VDAC2: variants seen among roughly 807,000 people sequenced by gnomAD.
VDAC2 encodes non-selective voltage-gated ion channel VDAC2.
A neutral mutation model predicts 36.6 loss-of-function variants in VDAC2; 6 were observed. The ratio of observed to expected loss-of-function variants is 0.16; its 90% CI spans 0.09 to 0.32. The LOEUF (loss-of-function observed/expected upper bound fraction) is 0.32, where lower values mean the gene tolerates loss of function less well. VDAC2 is among the 10% of genes least tolerant of loss of function. The pLI, the probability that VDAC2 is intolerant of heterozygous loss-of-function variation, is 1.00. For missense variants in VDAC2, 247 were observed against 346.0 expected (o/e 0.71, Z 2.27); for synonymous variants, 109 against 123.8 (o/e 0.88, Z 0.79).
At chr10:75,218,740 G>A (rs1445513367) in intron 4 of VDAC2, among the ~76,000 whole-genome samples, 4 of 151,432 alleles carry the variant, frequency 2.6e-5, no homozygotes, top group East Asian at 1.9e-4. Context: ...CCAGCCTGGC[G>A]ATAGAGCGGG....
chr10:75,228,543 C>A (rs1214204836), intron 8 of VDAC2, among the ~76,000 whole-genome samples: 1 of 152,238 alleles, frequency 6.6e-6, no homozygotes, highest in Non-Finnish European at 1.5e-5. Flanking sequence ...GTGTCAGCCA[C>A]TGCGCCAGGC....
At chr10:75,211,710 AAC>A in intron 2 of VDAC2, 1 of 1,534,948 alleles carries the variant, frequency 6.5e-7, no homozygotes, top group Non-Finnish European at 8.8e-7. Flanking sequence ...ATTTGAGTGA[AAC>A]ACACATGGCA....
intron 8 of VDAC2, among the ~76,000 whole-genome samples, chr10:75,228,544 T>C (rs1842023304): frequency 6.6e-6 from 1 of 152,240 alleles, no homozygotes; most frequent in South Asian, 2.1e-4. Context: ...TGTCAGCCAC[T>C]GCGCCAGGCC....
chr10:75,229,581 CAT>C (rs987813628), intron 8 of VDAC2, 61 bp from the exon 9 acceptor site: 70 of 1,291,386 alleles, frequency 5.4e-5, no homozygotes, highest in Middle Eastern at 3.8e-4. Flanking sequence ...GATGGGGAAA[CAT>C]GTAGGGGCTT....
Position 75,227,577 on chromosome 10 carries a change from A to ATTTTTTTTTTTTT in VDAC2, c.736-2058_736-2046dup, listed in dbSNP as rs35378957. On this transcript the variant is annotated intron_variant, in intron 8 of 9. Coordinates refer to ENST00000332211, the MANE Select transcript of VDAC2 (RefSeq NM_001391963.1). ...TAACTCTTACTGTTAAATAATAGGA[A>ATTTTTTTTTTTTT]TTTTTTTTTTTTTTTTTTTTTGGAG... Among the ~76,000 whole-genome samples the ATTTTTTTTTTTTT allele has an allele frequency of 3.1e-3, 306 of 99,914 alleles. 34 individuals carry two copies. Among genetic ancestry groups the ATTTTTTTTTTTTT allele is most frequent in the African/African-American group, 0.013 (289 of 22,222 alleles). The allele number at this position is 99,914 out of a possible 152,430, so 65.5% of individuals were successfully genotyped here. A position where few individuals can be genotyped will look rare whatever the true frequency, so the allele number is the denominator to read the frequency against.
intron 3 of VDAC2, among the ~76,000 whole-genome samples, chr10:75,213,708 C>A (rs1356766121): frequency 6.6e-6 from 1 of 152,108 alleles, no homozygotes; most frequent in Non-Finnish European, 1.5e-5. Flanking sequence ...CGTGCCACTG[C>A]ACTCCAGCCT....
intron 8 of VDAC2, among the ~76,000 whole-genome samples, chr10:75,227,034 A>C (rs1841974475): frequency 6.6e-6 from 1 of 152,220 alleles, no homozygotes. Context: ...GGTAAACAAT[A>C]ATACATTCAT....
At chr10:75,218,675 T>C (rs1403831961) in intron 4 of VDAC2, among the ~76,000 whole-genome samples, 2 of 151,480 alleles carry the variant, frequency 1.3e-5, no homozygotes, top group African/African-American at 4.9e-5. Flanking sequence ...GGCAGGAGAA[T>C]CACTTGAACC....
chr10:75,216,617 A>T (rs1398733348), intron 4 of VDAC2, among the ~76,000 whole-genome samples: 1 of 152,150 alleles, frequency 6.6e-6, no homozygotes, highest in Non-Finnish European at 1.5e-5. Context: ...TCTGGTGGTA[A>T]AGGGTATGAG....
intron 4 of VDAC2, among the ~76,000 whole-genome samples, chr10:75,215,324 T>C (rs990267685): frequency 1.3e-5 from 2 of 152,016 alleles, no homozygotes; most frequent in African/African-American, 4.8e-5. Flanking sequence ...TTTTGATATA[T>C]GTATGTATGT....
chr10:75,227,919 G>T (rs1288729194), intron 8 of VDAC2, among the ~76,000 whole-genome samples: 5 of 146,598 alleles, frequency 3.4e-5, no homozygotes, highest in Non-Finnish European at 6.0e-5. Flanking sequence ...TTTTGAGGCG[G>T]AGTCTCGCTC....
intron 8 of VDAC2, 105 bp from the exon 9 acceptor site, chr10:75,229,539 C>A: frequency 2.4e-6 from 2 of 838,318 alleles, no homozygotes; most frequent in Non-Finnish European, 1.9e-6. Flanking sequence ...TATTGTCTCA[C>A]GTGAATAAAA....
At chr10:75,220,414 CTGCTTTTAGAATACTATGGT>C (rs1486803367) in intron 6 of VDAC2, among the ~76,000 whole-genome samples, 2 of 152,222 alleles carry the variant, frequency 1.3e-5, no homozygotes, top group Non-Finnish European at 2.9e-5. Context: ...TGGCCCATAT[CTGCTTTTAGAATACTATGGT>C]TGCTATCATT....
Position 75,229,671 on chromosome 10 carries a change from G to A in VDAC2, c.763G>A (p.Gly255Arg). 2 of 1,604,386 alleles carry A rather than the reference G, an allele frequency of 1.2e-6. No individual in the cohort carries two copies. The highest frequency in any genetic ancestry group is 1.1e-5 in the South Asian group (1 of 89,102). ...AAAAGTCAACAACTCTAGCTTAATT[G>A]GAGTAGGCTATACTCAGACTCTGAG... Reference protein sequence around the residue: ...SAKVNNSSLIGVGYTQTLRPG... With the variant: ...SAKVNNSSLIRVGYTQTLRPG... Residue 255 changes from glycine (G) to arginine (R), a missense_variant, in exon 9 of 10, where the codon GGA becomes AGA. By Grantham distance (125) the Gly-to-Arg change is moderately radical. Around this residue, in one of 3 missense-constraint regions of VDAC2, gnomAD observed 159 missense variants for 234.0 expected, o/e 0.68. Coordinates refer to ENST00000332211, the MANE Select transcript of VDAC2 (RefSeq NM_001391963.1).
chr10:75,218,908 C>T (rs1841701700), intron 4 of VDAC2, among the ~76,000 whole-genome samples, 155 bp from the exon 5 acceptor site: 1 of 151,214 alleles, frequency 6.6e-6, no homozygotes, highest in Non-Finnish European at 1.5e-5. Flanking sequence ...TAGAGAGTAG[C>T]ACAGTGCAGA....
chr10:75,217,976 T>C, intron 4 of VDAC2: 1 of 1,279,128 alleles, frequency 7.8e-7, no homozygotes, highest in Non-Finnish European at 1.0e-6. Flanking sequence ...TGATCCCAGC[T>C]ACTCAGGAGG....
chr10:75,229,621 G>A (rs761187803), intron 8 of VDAC2, 23 bp from the exon 9 acceptor site: 1 of 1,583,514 alleles, frequency 6.3e-7, no homozygotes, highest in Admixed American at 1.8e-5. Flanking sequence ...TTTTCTTACA[G>A]TTGTTTTTGT....
chr10:75,213,902 C>T, intron 3 of VDAC2, 119 bp from the exon 4 acceptor site: 1 of 947,994 alleles, frequency 1.1e-6, no homozygotes, highest in South Asian at 1.5e-5. Context: ...TATATTAACA[C>T]ATTTTTATCC....
At chr10:75,226,366 G>C (rs1841951520) in intron 8 of VDAC2, among the ~76,000 whole-genome samples, 1 of 150,832 alleles carries the variant, frequency 6.6e-6, no homozygotes, top group Admixed American at 6.6e-5. Context: ...AGCCGTAAGA[G>C]TGTATTTTGT....
Sources: gnomAD v4.1 joint callset for allele counts (sites outside exome capture counted in the v4.1 genomes callset) on GRCh38, gnomAD v4.1.1 for gene constraint, gnomAD v4.1.1 regional missense constraint, MANE v1.5 for transcripts, NCBI Gene and HGNC (gene_info 2026-07-23, HGNC 2026-07-21) for gene names.